The following TRPC6 variants were observed in gnomAD, a reference collection of about 807,000 sequenced individuals.
The protein encoded by TRPC6 is short transient receptor potential channel 6.
In TRPC6, 55 loss-of-function variants were observed where a neutral mutation model predicts 90.7. The ratio of observed to expected loss-of-function variants is 0.61; its 90% CI spans 0.49 to 0.76. The LOEUF (loss-of-function observed/expected upper bound fraction) is 0.76, where lower values mean the gene tolerates loss of function less well. TRPC6 is among the 30% of genes least tolerant of loss of function. The pLI is 0.00. For synonymous variants in TRPC6, 393 were observed against 393.0 expected, an observed-to-expected ratio of 1.00 and a Z score of 0.00; for missense variants, 989 against 1,122.7, an observed-to-expected ratio of 0.88 and a Z score of 1.70.
rs572336542 is a variant in TRPC6, at chr11:101,511,042, T to A, written c.171-6244A>T. Among the ~76,000 whole-genome samples, 79 of 152,302 alleles carry A rather than the reference T, an allele frequency of 5.2e-4. 1 individual carries two copies. Among genetic ancestry groups the A allele is most frequent in the African/African-American group, 1.9e-3 (79 of 41,556 alleles). On this transcript the variant is annotated intron_variant, in intron 1 of 12. Coordinates refer to ENST00000344327, the MANE Select transcript of TRPC6 (RefSeq NM_004621.6). ...AGTGTAGTCAGCCGTAAGCGTAATG[T>A]AGATTCATCCTAGGAAAGTAGAAAT...
rs76723664 is a variant in TRPC6, at chr11:101,551,567, T to G, written c.170+31767A>C. Among the ~76,000 whole-genome samples the G allele has an allele frequency of 9.1e-3, 1,377 of 152,122 alleles. 10 individuals carry two copies. Among genetic ancestry groups the G allele is most frequent in the Non-Finnish European group, 0.016 (1,098 of 67,950 alleles). ...GAAATTGCTTTTCATTACTCTCTCA[T>G]ACAGTCATAAAGCTGCACATTTTTT... On this transcript the variant is annotated intron_variant, in intron 1 of 12. Coordinates refer to ENST00000344327, the MANE Select transcript of TRPC6 (RefSeq NM_004621.6).
At chr11:101,464,984 C>A (rs1859107893) in intron 10 of TRPC6, among the ~76,000 whole-genome samples, 1 of 152,134 alleles carries the variant, frequency 6.6e-6, no homozygotes, top group African/African-American at 2.4e-5. Flanking sequence ...TAAGGCAGGC[C>A]TGGTGGTGAC....
chr11:101,531,935 C>G (rs1207993150), intron 1 of TRPC6, among the ~76,000 whole-genome samples: 6 of 152,152 alleles, frequency 3.9e-5, no homozygotes, highest in Admixed American at 2.0e-4. Flanking sequence ...GCAGAGATTG[C>G]TGGTTAAGGA....
intron 1 of TRPC6, among the ~76,000 whole-genome samples, chr11:101,563,906 G>C (rs1033951316): frequency 6.6e-6 from 1 of 152,088 alleles, no homozygotes; most frequent in Non-Finnish European, 1.5e-5. Context: ...TGTACATTTA[G>C]AGTGAGAAAG....
intron 1 of TRPC6, among the ~76,000 whole-genome samples, chr11:101,560,622 A>G (rs1438195843): frequency 2.0e-5 from 3 of 151,748 alleles, no homozygotes; most frequent in African/African-American, 7.3e-5. Context: ...CATACAGCAG[A>G]CACAGAAATA....
In TRPC6 at chr11:101,556,723, G is replaced by T. The variant is rs558510940; in HGVS notation, c.170+26611C>A. Among the ~76,000 whole-genome samples the T allele has an allele frequency of 2.0e-5, 3 of 152,254 alleles. No homozygotes were observed. The South Asian group carries it at 6.2e-4, about 32-fold the overall frequency. On this transcript the variant is annotated intron_variant, in intron 1 of 12. Coordinates refer to ENST00000344327, the MANE Select transcript of TRPC6 (RefSeq NM_004621.6). ...CTTTTTAAGAAGCCAGCCCTACCCT[G>T]ATACCAAAGCCAGATGAGAGCTCTA...
At chr11:101,499,536 T>G (rs1860037084) in intron 2 of TRPC6, among the ~76,000 whole-genome samples, 2 of 147,752 alleles carry the variant, frequency 1.4e-5, no homozygotes, top group Non-Finnish European at 3.0e-5. Flanking sequence ...CTGGCTGCCA[T>G]ACCAACTAAT....
rs200705719 is a variant in TRPC6 at position 101,452,380 on chromosome 11, G to T, written c.*575C>A. ...GTAATGTTTTCAAATAGATGAATCA[G>T]AAAATTTTACATAGATGTAAGACCA... On this transcript the variant is annotated 3_prime_UTR_variant, in exon 13 of 13. Transcript: ENST00000344327. 65 of 153,932 alleles carry T rather than the reference G, an allele frequency of 4.2e-4. No homozygotes were observed. Among genetic ancestry groups the T allele is most frequent in the Non-Finnish European group, 7.8e-4 (54 of 69,210 alleles). The allele number at this position is 153,932 out of a possible 1,614,324, so 9.5% of individuals were successfully genotyped here. A position where few individuals can be genotyped will look rare whatever the true frequency, so the allele number is the denominator to read the frequency against.
intron 1 of TRPC6, among the ~76,000 whole-genome samples, chr11:101,546,088 G>A (rs1198812461): frequency 3.1e-4 from 6 of 19,528 alleles, no homozygotes; most frequent in South Asian, 1.1e-3. Flanking sequence ...TTTTTGAGAC[G>A]GAGTCTCGCT....
At chr11:101,469,596 A>C (rs531119980) in intron 9 of TRPC6, 95 bp from the exon 10 acceptor site, 1 of 648,046 alleles carries the variant, frequency 1.5e-6, no homozygotes, top group South Asian at 1.7e-5. Context: ...TTCTCCAACA[A>C]GTTTTAATGA....
chr11:101,478,648 G>A (rs994088470), intron 5 of TRPC6, among the ~76,000 whole-genome samples: 1 of 152,138 alleles, frequency 6.6e-6, no homozygotes, highest in East Asian at 1.9e-4. Context: ...GCCAAGGAGA[G>A]TTTGAAATCC....
chr11:101,454,027 A>T (rs1858826920), intron 11 of TRPC6, among the ~76,000 whole-genome samples: 1 of 152,182 alleles, frequency 6.6e-6, no homozygotes, highest in Non-Finnish European at 1.5e-5. Flanking sequence ...TTAGAGTAAG[A>T]CAGTCTTTCA....
intron 1 of TRPC6, among the ~76,000 whole-genome samples, chr11:101,521,574 G>A (rs1860661858): frequency 6.6e-6 from 1 of 152,244 alleles, no homozygotes; most frequent in Non-Finnish European, 1.5e-5. Flanking sequence ...GCACTGCCTA[G>A]TGGAGCTGTG....
At chr11:101,516,051 A>T (rs879217097) in intron 1 of TRPC6, among the ~76,000 whole-genome samples, 1 of 151,694 alleles carries the variant, frequency 6.6e-6, no homozygotes, top group East Asian at 1.9e-4. Context: ...CATGGCATAT[A>T]TAAGGAAAAA....
chr11:101,493,632 C>A (rs1471065718), intron 2 of TRPC6, among the ~76,000 whole-genome samples: 1 of 152,138 alleles, frequency 6.6e-6, no homozygotes, highest in Non-Finnish European at 1.5e-5. Flanking sequence ...AATACCGTTC[C>A]CATTTTGCAC....
At position 101,504,593 on chromosome 11, in the gene TRPC6, C is replaced by T. The variant is rs370656422; in HGVS notation, c.376G>A (p.Val126Ile). 20 of 1,613,874 alleles carry T rather than the reference C, an allele frequency of 1.2e-5. No individual in the cohort carries two copies. Among genetic ancestry groups the T allele is most frequent in the Non-Finnish European group, 5.1e-6 (6 of 1,179,902 alleles). Reference protein sequence around the residue: ...KMLEECHSLNVNCVDYMGQNA... With the variant: ...KMLEECHSLNINCVDYMGQNA... Reference sequence around the variant, plus strand: ...TGGCCCATGTAATCCACACAGTTAACGTTGAGTGAGTGGCATTCTTCTAAC... The same window carrying T: ...TGGCCCATGTAATCCACACAGTTAATGTTGAGTGAGTGGCATTCTTCTAAC... Residue 126 changes from valine (V) to isoleucine (I), a missense_variant, in exon 2 of 13, where the codon GTT (valine) becomes ATT (isoleucine). By Grantham distance (29) the Val-to-Ile change is conservative. Transcript: ENST00000344327.
At chr11:101,533,092 C>A (rs1175179915) in intron 1 of TRPC6, among the ~76,000 whole-genome samples, 4 of 152,038 alleles carry the variant, frequency 2.6e-5, no homozygotes, top group Non-Finnish European at 4.4e-5. Context: ...AGAAAATGAA[C>A]AATGAATAAA....
intron 5 of TRPC6, among the ~76,000 whole-genome samples, chr11:101,481,611 C>T (rs1427464992): frequency 6.6e-6 from 1 of 152,162 alleles, no homozygotes; most frequent in African/African-American, 2.4e-5. Context: ...ATCCACAGCT[C>T]TCCCTTCTGA....
intron 1 of TRPC6, among the ~76,000 whole-genome samples, chr11:101,546,416 C>G (rs114744588): frequency 0.032 from 4,922 of 152,148 alleles, 261 homozygotes; most frequent in African/African-American, 0.099. Flanking sequence ...ATAAAGGAAC[C>G]ACTGCAAAGA....
Sources: gnomAD v4.1 joint callset for allele counts (sites outside exome capture counted in the v4.1 genomes callset) on GRCh38, gnomAD v4.1.1 for gene constraint, MANE v1.5 for transcripts, NCBI Gene and HGNC (gene_info 2026-07-23, HGNC 2026-07-21) for gene names.